PPME1: variants seen among roughly 807,000 people sequenced by gnomAD.
PPME1 encodes testicular secretory protein Li 39.
Under a neutral mutation model 56.9 loss-of-function variants are expected in PPME1, and 17 were observed. That is an observed-to-expected ratio of 0.30 (90% CI 0.20 to 0.45). The LOEUF (loss-of-function observed/expected upper bound fraction) is 0.45. Among genes scored for constraint, PPME1 ranks in the 20% least tolerant of loss-of-function variants. PPME1 has a pLI of 1.00. For missense variants in PPME1, 357 were observed against 483.2 expected (o/e 0.74, Z 2.45); for synonymous variants, 122 against 156.2 (o/e 0.78, Z 1.63).
chr11:74,236,010 ATGG>A (rs768029205), intron 8 of PPME1, 44 bp downstream of exon 8: 4 of 1,596,936 alleles, frequency 2.5e-6, no homozygotes, highest in Non-Finnish European at 3.4e-6. Flanking sequence ...AGGCGGAAAC[ATGG>A]TGAGGGAATT....
intron 1 of PPME1, among the ~76,000 whole-genome samples, chr11:74,177,429 A>G (rs1857427039): frequency 6.6e-6 from 1 of 151,876 alleles, no homozygotes. Context: ...AGCCTGGGAC[A>G]CAGAGTGAGA....
chr11:74,188,288 A>G (rs538425120), intron 1 of PPME1, among the ~76,000 whole-genome samples: 1 of 151,546 alleles, frequency 6.6e-6, no homozygotes, highest in Non-Finnish European at 1.5e-5. Flanking sequence ...CCCGGTTTCA[A>G]GCAATTCTCT....
chr11:74,228,507 A>G (rs1302784699), intron 5 of PPME1, among the ~76,000 whole-genome samples: 5 of 152,130 alleles, frequency 3.3e-5, no homozygotes, highest in Admixed American at 2.0e-4. Flanking sequence ...CTTGGTGATG[A>G]CCTTGGGCAG....
At chr11:74,198,184 CT>C (rs1157489592) in intron 1 of PPME1, among the ~76,000 whole-genome samples, 1 of 152,148 alleles carries the variant, frequency 6.6e-6, no homozygotes, top group East Asian at 1.9e-4. Context: ...TTTGATTCTG[CT>C]GTCAATCATC....
In PPME1 at chr11:74,239,190, G is replaced by GGAA; in HGVS notation, c.780_782dup (p.Glu260dup). On this transcript the variant is annotated inframe_insertion, in exon 9 of 14. Transcript: ENST00000328257. ...AATCTATAGTGGAAGGAATCATAGA[G>GGAA]GAAGAAGAAGAAGATGAGGAAGGAA... 2 of 1,613,388 alleles carry GGAA rather than the reference G, an allele frequency of 1.2e-6. No homozygotes were observed.
At chr11:74,197,699 A>ATTCCTTT (rs1858025258) in intron 1 of PPME1, among the ~76,000 whole-genome samples, 2 of 152,236 alleles carry the variant, frequency 1.3e-5, no homozygotes, top group African/African-American at 4.8e-5. Context: ...ACTGATAAGA[A>ATTCCTTT]TGCAGTATCT....
intron 1 of PPME1, among the ~76,000 whole-genome samples, chr11:74,183,245 C>T (rs1247853943): frequency 6.6e-6 from 1 of 152,114 alleles, no homozygotes; most frequent in Non-Finnish European, 1.5e-5. Context: ...TGCAGTGAGC[C>T]ATGATCGTGA....
chr11:74,238,174 T>G (rs1020326657), intron 8 of PPME1: 3 of 152,038 alleles, frequency 2.0e-5, no homozygotes, highest in African/African-American at 7.2e-5. Flanking sequence ...TACACTGTTT[T>G]TTTTTTTTTT....
chr11:74,252,516 A>C (rs1416497872), intron 13 of PPME1: 2 of 456,034 alleles, frequency 4.4e-6, no homozygotes, highest in African/African-American at 2.0e-5. Context: ...AAGCTGGCAG[A>C]ATATTAGCCA....
chr11:74,246,709 C>T lies in PPME1; in HGVS notation c.965-370C>T, dbSNP rs189064595. The stretch of plus-strand genomic sequence containing the variant: ...ATCTATGCCTTTTCTCCTCCCCACA[C>T]CCAGTCTCTAAACCTAACTAAGCAT... On this transcript the variant is annotated intron_variant, in intron 10 of 13. Coordinates refer to ENST00000328257, the MANE Select transcript of PPME1 (RefSeq NM_016147.3). 2.0e-5 allele frequency among the ~76,000 whole-genome samples: 3 copies of T among 152,284 alleles called. No individual in the cohort carries two copies. The East Asian group carries it at 5.8e-4, about 29-fold the overall frequency.
At chr11:74,232,675 T>C (rs1425448640) in intron 7 of PPME1, among the ~76,000 whole-genome samples, 1 of 123,646 alleles carries the variant, frequency 8.1e-6, no homozygotes, top group Non-Finnish European at 1.7e-5. Context: ...TTATCCAAAC[T>C]TTTTTTTTTT....
At chr11:74,245,967 T>TGTTGGAAGGATTGAATGTA in intron 9 of PPME1, 109 bp from the exon 10 acceptor site, 4 of 1,306,966 alleles carry the variant, frequency 3.1e-6, no homozygotes, top group Non-Finnish European at 4.2e-6. Flanking sequence ...TAGTAGGTCC[T>TGTTGGAAGGATTGAATGTA]TAATAAGTGC....
In PPME1 at chr11:74,172,440, C is replaced by T. The variant is rs971527554; in HGVS notation, c.101+918C>T. 7.9e-5 allele frequency among the ~76,000 whole-genome samples: 12 copies of T among 152,282 alleles called. No individual in the cohort carries two copies. The East Asian group carries it at 2.3e-3, about 29-fold the overall frequency. ...AAGCTTAGAGGAAGATTTGGGCAAT[C>T]AGTTTTTGCTGGGCTAGTAGATCTG... On this transcript the variant is annotated intron_variant, in intron 1 of 13. Transcript: ENST00000328257.
At chr11:74,214,439 C>G (rs1443662892) in intron 3 of PPME1, among the ~76,000 whole-genome samples, 2 of 152,022 alleles carry the variant, frequency 1.3e-5, no homozygotes, top group Non-Finnish European at 2.9e-5. Flanking sequence ...CTTCCCAAAC[C>G]TAGAGAAACA....
chr11:74,211,434 A>G (rs1018305874), intron 3 of PPME1, among the ~76,000 whole-genome samples: 1 of 152,212 alleles, frequency 6.6e-6, no homozygotes, highest in African/African-American at 2.4e-5. Context: ...TAGAAAGAAT[A>G]AAGAAATAAG....
chr11:74,217,679 C>A (rs1419824236), intron 3 of PPME1, among the ~76,000 whole-genome samples: 1 of 150,780 alleles, frequency 6.6e-6, no homozygotes, highest in Non-Finnish European at 1.5e-5. Context: ...GGACAAAAAC[C>A]ATATGATCAT....
At chr11:74,190,688 A>G (rs530946660) in intron 1 of PPME1, among the ~76,000 whole-genome samples, 4 of 152,352 alleles carry the variant, frequency 2.6e-5, no homozygotes, top group Non-Finnish European at 5.9e-5. Flanking sequence ...GAACTGGATA[A>G]CGGGCAGAGG....
intron 1 of PPME1, among the ~76,000 whole-genome samples, chr11:74,199,684 G>A (rs924514492): frequency 2.0e-5 from 3 of 152,084 alleles, no homozygotes; most frequent in South Asian, 2.1e-4. Context: ...TCTGTTTTAC[G>A]CTACTGATAA....
chr11:74,207,007 G>A (rs1858345997), intron 3 of PPME1, among the ~76,000 whole-genome samples: 1 of 152,196 alleles, frequency 6.6e-6, no homozygotes, highest in African/African-American at 2.4e-5. Flanking sequence ...ATTTAGAGAA[G>A]TTAGAGAGCC....
Sources: gnomAD v4.1 joint callset for allele counts (sites outside exome capture counted in the v4.1 genomes callset) on GRCh38, gnomAD v4.1.1 for gene constraint, MANE v1.5 for transcripts, NCBI Gene and HGNC (gene_info 2026-07-23, HGNC 2026-07-21) for gene names.